Variants in APPBP2 observed in about 807,000 individuals in gnomAD.
APPBP2 encodes amyloid beta precursor protein binding protein 2.
APPBP2 carries 15 observed loss-of-function variants against 76.0 expected under a neutral mutation model. The observed-to-expected ratio is 0.20, with a 90% CI of 0.13 to 0.30. The LOEUF is 0.30. Ranked by LOEUF, APPBP2 falls within the 10% of genes least tolerant of loss-of-function variation. The probability of loss-of-function intolerance (pLI) is 1.00; values close to 1 mark genes in which losing one functional copy is unlikely to be tolerated. For synonymous variants in APPBP2, 222 were observed against 242.2 expected (o/e 0.92, Z 0.77); for missense variants, 401 against 687.2 (o/e 0.58, Z 4.66).
At chr17:60,448,212 G>GT (rs1473202700) in intron 12 of APPBP2, among the ~76,000 whole-genome samples, 1 of 152,196 alleles carries the variant, frequency 6.6e-6, no homozygotes. Context: ...GGAGGCCAAG[G>GT]TGGGTGGATC....
intron 4 of APPBP2, among the ~76,000 whole-genome samples, chr17:60,478,583 T>C (rs558305472): frequency 1.3e-5 from 2 of 152,312 alleles, no homozygotes; most frequent in Admixed American, 6.5e-5. Context: ...ATTTGTTGAA[T>C]GAATAAACAA....
At chr17:60,495,195 C>A (rs1178413356) in intron 2 of APPBP2, among the ~76,000 whole-genome samples, 1 of 151,394 alleles carries the variant, frequency 6.6e-6, no homozygotes. Flanking sequence ...ACCATGTTAG[C>A]CGGGATGCTC....
chr17:60,496,772 G>T (rs1195442640), intron 2 of APPBP2, among the ~76,000 whole-genome samples: 2 of 152,142 alleles, frequency 1.3e-5, no homozygotes, highest in East Asian at 3.8e-4. Context: ...CCAGGCTGGA[G>T]TGCAGCGGTG....
rs2090347998 is a variant in APPBP2 at position 60,446,444 on chromosome 17, T to C, written c.*1137A>G. On this transcript the variant is annotated 3_prime_UTR_variant, in exon 13 of 13. Transcript: ENST00000083182. ...ATGAAATGACCTAGTTGTATTACTA[T>C]TTACCATAAAAATGGAGGATTTTCT... 2 of 152,220 alleles carry C rather than the reference T, an allele frequency of 1.3e-5. No individual in the cohort carries two copies. The highest frequency in any genetic ancestry group is 4.8e-5 in the African/African-American group (2 of 41,448). The allele number at this position is 152,220 out of a possible 1,614,324, so 9.4% of individuals were successfully genotyped here. A position where few individuals can be genotyped will look rare whatever the true frequency, so the allele number is the denominator to read the frequency against.
At chr17:60,490,811 G>T (rs2143419837) in intron 3 of APPBP2, among the ~76,000 whole-genome samples, 1 of 152,182 alleles carries the variant, frequency 6.6e-6, no homozygotes, top group Non-Finnish European at 1.5e-5. Flanking sequence ...CTTTCATTTG[G>T]CTCATTCTGT....
At chr17:60,476,748 GT>G (rs1407384335) in intron 4 of APPBP2, among the ~76,000 whole-genome samples, 1 of 152,014 alleles carries the variant, frequency 6.6e-6, no homozygotes, top group Non-Finnish European at 1.5e-5. Flanking sequence ...ATTATCTATT[GT>G]TTTTAATTTA....
chr17:60,521,544 C>T (rs780958760), intron 1 of APPBP2, among the ~76,000 whole-genome samples: 4 of 152,122 alleles, frequency 2.6e-5, no homozygotes, highest in Non-Finnish European at 5.9e-5. Context: ...GCACAGCCAG[C>T]GGGCCACACG....
chr17:60,468,915 G>GT (rs1052519697), intron 4 of APPBP2, among the ~76,000 whole-genome samples: 53 of 152,290 alleles, frequency 3.5e-4, no homozygotes, highest in African/African-American at 1.3e-3. Context: ...ATACAAATGT[G>GT]TAAGTCATTA....
intron 3 of APPBP2, among the ~76,000 whole-genome samples, chr17:60,484,044 G>T (rs1192519422): frequency 6.6e-6 from 1 of 152,082 alleles, no homozygotes; most frequent in Admixed American, 6.6e-5. Flanking sequence ...GGTTGTAGAT[G>T]TGTGGTATTA....
intron 1 of APPBP2, among the ~76,000 whole-genome samples, chr17:60,515,434 T>C (rs1351219272): frequency 6.6e-6 from 1 of 152,188 alleles, no homozygotes; most frequent in African/African-American, 2.4e-5. Flanking sequence ...CATTTTTAAA[T>C]CAAAGTATAA....
intron 3 of APPBP2, among the ~76,000 whole-genome samples, chr17:60,483,230 T>C (rs2090645358): frequency 6.6e-6 from 1 of 152,252 alleles, no homozygotes. Flanking sequence ...TGTCTTCTTT[T>C]GAGAAGTGTC....
intron 3 of APPBP2, among the ~76,000 whole-genome samples, chr17:60,487,015 A>G (rs1266305147): frequency 6.6e-6 from 1 of 152,166 alleles, no homozygotes; most frequent in Non-Finnish European, 1.5e-5. Context: ...AATGTTGAAT[A>G]TTGGCCCCCA....
At chr17:60,468,744 C>T (rs2090529475) in intron 4 of APPBP2, among the ~76,000 whole-genome samples, 1 of 152,172 alleles carries the variant, frequency 6.6e-6, no homozygotes, top group South Asian at 2.1e-4. Flanking sequence ...AATTTTATCC[C>T]AACCTTCTGC....
chr17:60,512,937 A>T, intron 1 of APPBP2, among the ~76,000 whole-genome samples: 1 of 145,876 alleles, frequency 6.9e-6, no homozygotes, highest in African/African-American at 2.6e-5. Context: ...GTCTTCACTT[A>T]AAAAAAAAAT....
chr17:60,475,700 C>T (rs1193185250), intron 4 of APPBP2, among the ~76,000 whole-genome samples: 1 of 150,642 alleles, frequency 6.6e-6, no homozygotes, highest in Admixed American at 6.6e-5. Flanking sequence ...CGCTCCCCAA[C>T]CCCACCCCAC....
intron 1 of APPBP2, chr17:60,513,380 CT>C (rs2090934897): frequency 9.0e-6 from 6 of 665,386 alleles, no homozygotes; most frequent in Admixed American, 2.1e-5. Context: ...ATGAAGACAT[CT>C]TTGTTGCCAA....
intron 1 of APPBP2, among the ~76,000 whole-genome samples, chr17:60,517,517 T>C (rs989190737): frequency 1.6e-4 from 24 of 152,254 alleles, no homozygotes; most frequent in African/African-American, 5.1e-4. Flanking sequence ...AAAAAACTTT[T>C]TTCATATTTA....
chr17:60,494,984 G>GTTTTTTTT (rs60043373), intron 2 of APPBP2, among the ~76,000 whole-genome samples: 7 of 107,080 alleles, frequency 6.5e-5, no homozygotes, highest in East Asian at 2.4e-4. Context: ...GTTTTGTTTT[G>GTTTTTTTT]TTTTTTTTTT....
chr17:60,525,731 T>G, intron 1 of APPBP2, 63 bp downstream of exon 1: 1 of 1,605,624 alleles, frequency 6.2e-7, no homozygotes, highest in African/African-American at 1.3e-5. Context: ...TTCGCAGACG[T>G]GGAAGGGGGT....
Sources: allele counts gnomAD v4.1 joint callset (sites outside exome capture counted in the v4.1 genomes callset), GRCh38; gene constraint gnomAD v4.1.1; transcripts MANE v1.5; gene names NCBI Gene and HGNC (gene_info 2026-07-23, HGNC 2026-07-21).